The following ZNF385D variants were observed in gnomAD, a reference collection of about 807,000 sequenced individuals.
ZNF385D encodes zinc finger protein 385D.
Under a neutral mutation model 35.8 loss-of-function variants are expected in ZNF385D, and 15 were observed. That is an observed-to-expected ratio of 0.42 (90% confidence interval 0.28 to 0.64). ZNF385D has a LOEUF of 0.64. Among genes scored for constraint, ZNF385D ranks in the 30% least tolerant of loss-of-function variants. The pLI, the probability that ZNF385D is intolerant of heterozygous loss-of-function variation, is 0.23. For synonymous variants in ZNF385D, 212 were observed against 186.8 expected, an observed-to-expected ratio of 1.13 and a Z score of -1.10; for missense variants, 474 against 494.6, an observed-to-expected ratio of 0.96 and a Z score of 0.39.
In ZNF385D at chr3:21,646,262, G is replaced by A. The variant is rs2065750260; in HGVS notation, c.165+18624C>T. Among the ~76,000 whole-genome samples, 2 of 152,162 alleles carry A rather than the reference G, an allele frequency of 1.3e-5. No individual in the cohort carries two copies. Among genetic ancestry groups the A allele is most frequent in the Non-Finnish European group, 2.9e-5 (2 of 68,014 alleles). On this transcript the variant is annotated intron_variant, in intron 2 of 7. Coordinates refer to ENST00000281523, the MANE Select transcript of ZNF385D (RefSeq NM_024697.3). This position sits in a 1 kb window ranked among gnomAD's most constrained non-coding sequence, Gnocchi z 4.3. ...ATGGTTAAGTAAATGAAGAGGAGAG[G>A]AAACTGTCATACTTATGGACCTGCT...
At chr3:22,104,008 A>C (rs925867977) in intron 3 of ZNF385D, among the ~76,000 whole-genome samples, 23 of 152,296 alleles carry the variant, frequency 1.5e-4, no homozygotes, top group African/African-American at 4.3e-4. Flanking sequence ...TTACATGTAC[A>C]ATATACAATA....
chr3:21,782,611 C>A (rs2071536388), intron 3 of ZNF385D, among the ~76,000 whole-genome samples: 1 of 152,058 alleles, frequency 6.6e-6, no homozygotes, highest in Admixed American at 6.6e-5. Context: ...GAACAGGTTA[C>A]TTAACGTCTC....
chr3:22,124,851 T>G (rs571406354), intron 3 of ZNF385D, among the ~76,000 whole-genome samples: 2 of 152,160 alleles, frequency 1.3e-5, no homozygotes, highest in Admixed American at 1.3e-4. Context: ...AAATAATTGT[T>G]TCCCATACTG....
At chr3:21,485,540 G>A (rs1446406271) in intron 4 of ZNF385D, among the ~76,000 whole-genome samples, 1 of 151,978 alleles carries the variant, frequency 6.6e-6, no homozygotes, top group Non-Finnish European at 1.5e-5. Context: ...TGCTAGGTTA[G>A]CTATCATCTT....
chr3:22,108,180 T>C (rs1274223663), intron 3 of ZNF385D, among the ~76,000 whole-genome samples: 1 of 152,138 alleles, frequency 6.6e-6, no homozygotes, highest in East Asian at 1.9e-4. Flanking sequence ...TAAACTGAAA[T>C]ATTTGTATGT....
chr3:21,930,649 TAAG>T (rs1700960861), intron 3 of ZNF385D, among the ~76,000 whole-genome samples: 1 of 152,104 alleles, frequency 6.6e-6, no homozygotes, highest in Admixed American at 6.5e-5. Flanking sequence ...TGGACAGAAC[TAAG>T]ATGAGAAATT....
chr3:21,560,252 A>G (rs1451104837), intron 3 of ZNF385D, among the ~76,000 whole-genome samples: 1 of 151,946 alleles, frequency 6.6e-6, no homozygotes, highest in Non-Finnish European at 1.5e-5. Context: ...TGGTTTTTGG[A>G]ATTTTCAGCC....
upstream of ZNF385D, chr3:21,751,363 C>A (rs183918407): frequency 3.9e-6 from 4 of 1,037,890 alleles, no homozygotes; most frequent in African/African-American, 3.4e-5. Context: ...GAGTGAGGGG[C>A]GCGGGAGGCT....
At chr3:22,334,200 G>GTT (rs1491515753) in intron 2 of ZNF385D, among the ~76,000 whole-genome samples, 10 of 152,180 alleles carry the variant, frequency 6.6e-5, no homozygotes, top group African/African-American at 1.9e-4. Flanking sequence ...TTAATTACTT[G>GTT]AGTTCTATTT....
intron 2 of ZNF385D, among the ~76,000 whole-genome samples, chr3:22,336,187 A>G (rs1435093668): frequency 2.0e-5 from 3 of 152,172 alleles, no homozygotes; most frequent in African/African-American, 4.8e-5. Context: ...GTGGAAAGAT[A>G]TAATAAAGAA....
At chr3:22,143,525 T>G (rs1704657601) in intron 3 of ZNF385D, among the ~76,000 whole-genome samples, 1 of 152,178 alleles carries the variant, frequency 6.6e-6, no homozygotes, top group South Asian at 2.1e-4. Context: ...TAGACCTATT[T>G]CTATTGATTC....
intron 3 of ZNF385D, among the ~76,000 whole-genome samples, chr3:21,990,912 T>C (rs543527299): frequency 6.6e-6 from 1 of 152,342 alleles, no homozygotes; most frequent in African/African-American, 2.4e-5. Context: ...AACAGGTTGA[T>C]ACAGCGGATC....
intron 3 of ZNF385D, among the ~76,000 whole-genome samples, chr3:22,063,315 A>C (rs538845972): frequency 6.6e-6 from 1 of 152,302 alleles, no homozygotes; most frequent in South Asian, 2.1e-4. Context: ...CTTTTTCATC[A>C]ATGAGAAACC....
intron 4 of ZNF385D, among the ~76,000 whole-genome samples, chr3:21,438,844 T>G (rs1235755424): frequency 6.6e-6 from 1 of 152,136 alleles, no homozygotes. Flanking sequence ...TAGAATACAT[T>G]TATTCCCTTG....
intron 3 of ZNF385D, among the ~76,000 whole-genome samples, chr3:22,032,092 C>G (rs1409449476): frequency 6.6e-6 from 1 of 152,212 alleles, no homozygotes; most frequent in African/African-American, 2.4e-5. Context: ...TCTGAGACCA[C>G]CCCAGCTGGG....
chr3:21,471,623 C>G (rs1426146801), intron 4 of ZNF385D, among the ~76,000 whole-genome samples: 2 of 152,072 alleles, frequency 1.3e-5, no homozygotes, highest in East Asian at 3.9e-4. Flanking sequence ...GGATGGAACA[C>G]AGAGAAACAC....
In ZNF385D at chr3:22,146,595, T is replaced by A. The variant is rs150040451; in HGVS notation, c.325+22222A>T. ...TGTACTTGCTAAATTATAAACTCCA[T>A]GAAGGCAAAGATCTTTGCCTGCAAA... On this transcript the variant is annotated intron_variant, in intron 3 of 5. Coordinates refer to the ZNF385D transcript ENST00000494108. Among the ~76,000 whole-genome samples, 560 of 152,288 alleles carry A rather than the reference T, an allele frequency of 3.7e-3. 5 individuals are homozygous for A. Among genetic ancestry groups the A allele is most frequent in the African/African-American group, 0.013 (520 of 41,568 alleles).
intron 3 of ZNF385D, among the ~76,000 whole-genome samples, chr3:22,118,398 A>C (rs1270870759): frequency 6.6e-6 from 1 of 152,076 alleles, no homozygotes; most frequent in Non-Finnish European, 1.5e-5. Flanking sequence ...TAGAAATCCA[A>C]GCATGATGCT....
chr3:22,026,441 CT>C (rs1393183144), intron 3 of ZNF385D, among the ~76,000 whole-genome samples: 1 of 152,206 alleles, frequency 6.6e-6, no homozygotes, highest in Non-Finnish European at 1.5e-5. Context: ...TCAGGGACTA[CT>C]GGACGCTGGC....
Sources: gnomAD v4.1 joint callset for allele counts (sites outside exome capture counted in the v4.1 genomes callset) on GRCh38, gnomAD v4.1.1 for gene constraint, Gnocchi (gnomAD v3.1) non-coding constraint, MANE v1.5 for transcripts, NCBI Gene and HGNC (gene_info 2026-07-23, HGNC 2026-07-21) for gene names.